Variants in RORB observed in about 807,000 individuals in gnomAD.
RORB encodes RAR related orphan receptor B.
RORB carries 6 observed loss-of-function variants against 59.1 expected under a neutral mutation model. The observed-to-expected ratio is 0.10, with a 90% CI of 0.06 to 0.20. The LOEUF is 0.20. Ranked by LOEUF, RORB falls within the 10% of genes least tolerant of loss-of-function variation. RORB has a pLI of 1.00. For missense variants in RORB, 320 were observed against 560.5 expected, an observed-to-expected ratio of 0.57 and a Z score of 4.33; for synonymous variants, 215 against 204.5, an observed-to-expected ratio of 1.05 and a Z score of -0.44.
intron 4 of RORB, among the ~76,000 whole-genome samples, chr9:74,643,474 G>A (rs1323563385): frequency 6.6e-6 from 1 of 152,220 alleles, no homozygotes; most frequent in Admixed American, 6.5e-5. Flanking sequence ...CGATTCCTAA[G>A]GAGCGATCTT....
At chr9:74,625,368 C>T (rs534428867) in intron 1 of RORB, among the ~76,000 whole-genome samples, 4 of 152,266 alleles carry the variant, frequency 2.6e-5, no homozygotes, top group African/African-American at 7.2e-5. Context: ...AATTCCAGCC[C>T]TTTGGGAGGG....
chr9:74,519,239 T>C (rs1826051435), intron 1 of RORB, among the ~76,000 whole-genome samples: 1 of 152,048 alleles, frequency 6.6e-6, no homozygotes, highest in African/African-American at 2.4e-5. Flanking sequence ...ATATCCTACC[T>C]ACTGCACAAT....
Position 74,689,991 on chromosome 9 carries a change from G to C in RORB, c.*4373G>C, listed in dbSNP as rs1824713372. The C allele has an allele frequency of 6.6e-6, 1 of 151,962 alleles. No homozygotes were observed. Among genetic ancestry groups the C allele is most frequent in the Admixed American group, 6.6e-5 (1 of 15,258 alleles). 9.4% of individuals were successfully genotyped at this position (151,962 alleles called of 1,614,324 possible). ...ATAAACTTTTATTTCCAAGGAAGCT[G>C]CTACAATTTGCAGTCAATTCAGGCC... On this transcript the variant is annotated 3_prime_UTR_variant, in exon 10 of 10. Transcript: ENST00000376896.
chr9:74,664,899 G>T (rs1486770004), intron 6 of RORB, among the ~76,000 whole-genome samples: 1 of 152,188 alleles, frequency 6.6e-6, no homozygotes, highest in African/African-American at 2.4e-5. Context: ...TCCTCAGGAT[G>T]TTAATAATGC....
At chr9:74,642,036 G>A (rs1263086301) in intron 3 of RORB, among the ~76,000 whole-genome samples, 3 of 152,192 alleles carry the variant, frequency 2.0e-5, no homozygotes, top group African/African-American at 7.2e-5. Flanking sequence ...AGTTAGTTAT[G>A]AGTGTTGGTT....
chr9:74,634,649 C>A lies in RORB; in HGVS notation c.112C>A (p.Gln38Lys), dbSNP rs1372291437. ...CCTCAAGGGATTCTTTAGGAGGAGC[C>A]AGCAGAACAATGCTTCTTATTCCTG... ...EGCKGFFRRS[Q>K]QNNASYSCPR... Residue 38 changes from glutamine to lysine, a missense_variant, in exon 3 of 10, where the codon CAG (glutamine) becomes AAG (lysine). Transcript: ENST00000376896. 6.2e-7 allele frequency: 1 copy of A among 1,611,250 alleles called. No homozygotes were observed. The highest frequency in any genetic ancestry group is 2.2e-5 in the East Asian group (1 of 44,816).
chr9:74,500,036 C>T (rs1825785518), intron 1 of RORB, among the ~76,000 whole-genome samples: 1 of 152,082 alleles, frequency 6.6e-6, no homozygotes, highest in Admixed American at 6.5e-5. Context: ...TTGAGGACTC[C>T]AGAAGCTGGA....
At position 74,642,738 on chromosome 9, in the gene RORB, C is replaced by T. The variant is rs1432433704; in HGVS notation, c.560C>T (p.Thr187Ile). The T allele has an allele frequency of 1.2e-6, 2 of 1,614,108 alleles. No individual in the cohort carries two copies. ...QIKQEPIYDL[T>I]SVPNLFTYSS... ...AAGCAAGAACCTATCTATGACCTCA[C>T]ATCCGTACCCAACTTGTTTACCTAT... Residue 187 changes from threonine to isoleucine, a missense_variant, in exon 4 of 10, where the codon ACA (threonine) becomes ATA (isoleucine). By Grantham distance (89) the Thr-to-Ile change is moderately conservative (BLOSUM62 -1). Coordinates refer to ENST00000376896, the MANE Select transcript of RORB (RefSeq NM_006914.4).
chr9:74,505,694 C>T (rs1330592459), intron 1 of RORB, among the ~76,000 whole-genome samples: 1 of 152,052 alleles, frequency 6.6e-6, no homozygotes, highest in Non-Finnish European at 1.5e-5. Context: ...TTAATTTGTT[C>T]ATCATAAATG....
intron 1 of RORB, among the ~76,000 whole-genome samples, chr9:74,532,273 T>C (rs1299123377): frequency 1.3e-5 from 2 of 151,940 alleles, no homozygotes; most frequent in Admixed American, 1.3e-4. Context: ...ATCATTCAAA[T>C]CTAACACATT....
chr9:74,506,245 C>A (rs1303981210), intron 1 of RORB, among the ~76,000 whole-genome samples: 2 of 152,022 alleles, frequency 1.3e-5, no homozygotes, highest in Admixed American at 6.6e-5. Context: ...TGATGTTCTT[C>A]AAATTCTTCC....
chr9:74,572,707 G>A (rs1454177108), intron 1 of RORB, among the ~76,000 whole-genome samples: 1 of 152,054 alleles, frequency 6.6e-6, no homozygotes, highest in African/African-American at 2.4e-5. Context: ...GGCCAGTCTT[G>A]GGATTAATTA....
chr9:74,554,290 C>T (rs1032012314), intron 1 of RORB, among the ~76,000 whole-genome samples: 1 of 152,172 alleles, frequency 6.6e-6, no homozygotes, highest in Admixed American at 6.5e-5. Flanking sequence ...GCATCTTGAA[C>T]TGGACTTCCT....
At chr9:74,532,931 A>C (rs1445604250) in intron 1 of RORB, among the ~76,000 whole-genome samples, 1 of 150,998 alleles carries the variant, frequency 6.6e-6, no homozygotes, top group Non-Finnish European at 1.5e-5. Flanking sequence ...TCATTTTAAA[A>C]TCAGGAAACT....
intron 9 of RORB, among the ~76,000 whole-genome samples, chr9:74,679,215 C>T (rs765097962): frequency 1.4e-4 from 21 of 152,178 alleles, no homozygotes; most frequent in Admixed American, 6.5e-4. Context: ...TGATGTGACT[C>T]GTGGTCTTAG....
chr9:74,622,379 T>G (rs573791531), intron 1 of RORB, among the ~76,000 whole-genome samples: 76 of 152,228 alleles, frequency 5.0e-4, no homozygotes, highest in Non-Finnish European at 8.4e-4. Context: ...GAGAAATAAA[T>G]AAAGTTCTCT....
chr9:74,533,121 C>G (rs893709744), intron 1 of RORB, among the ~76,000 whole-genome samples: 4 of 151,830 alleles, frequency 2.6e-5, no homozygotes, highest in Non-Finnish European at 5.9e-5. Flanking sequence ...TGCTTGGACT[C>G]TGTAGGCACT....
At chr9:74,557,428 A>G (rs938065768) in intron 1 of RORB, among the ~76,000 whole-genome samples, 3 of 152,158 alleles carry the variant, frequency 2.0e-5, no homozygotes, top group African/African-American at 4.8e-5. Context: ...TGCCAAGAGA[A>G]CAATCTGAAC....
intron 1 of RORB, chr9:74,615,574 G>C (rs1401438670): frequency 2.2e-6 from 1 of 452,896 alleles, no homozygotes; most frequent in East Asian, 7.0e-5. Context: ...ATATTTTTCA[G>C]TTAGACTTTT....
Sources: gnomAD v4.1 joint callset for allele counts (sites outside exome capture counted in the v4.1 genomes callset) on GRCh38, gnomAD v4.1.1 for gene constraint, MANE v1.5 for transcripts, NCBI Gene and HGNC (gene_info 2026-07-23, HGNC 2026-07-21) for gene names.